The following MPPED1 variants were observed in gnomAD, a reference collection of about 807,000 sequenced individuals.
MPPED1 encodes metallophosphoesterase domain containing 1, also known as metallophosphoesterase domain-containing protein 1.
A neutral mutation model predicts 36.2 loss-of-function variants in MPPED1; 16 were observed. The observed-to-expected ratio is 0.44, with a 90% CI of 0.30 to 0.67. The LOEUF (loss-of-function observed/expected upper bound fraction) is 0.67, where lower values mean the gene tolerates loss of function less well. Ranked by LOEUF, MPPED1 falls within the 30% of genes least tolerant of loss-of-function variation. The pLI is 0.10. For synonymous variants in MPPED1, 199 were observed against 191.3 expected (o/e 1.04, Z -0.33); for missense variants, 307 against 453.4 (o/e 0.68, Z 2.93).
chr22:43,470,270 T>C (rs978700834), intron 3 of MPPED1, among the ~76,000 whole-genome samples: 3 of 149,254 alleles, frequency 2.0e-5, no homozygotes, highest in African/African-American at 7.6e-5. Flanking sequence ...CATCCATCTA[T>C]TCATCTATCT....
At chr22:43,469,288 C>T (rs1931281530) in intron 3 of MPPED1, among the ~76,000 whole-genome samples, 1 of 152,192 alleles carries the variant, frequency 6.6e-6, no homozygotes, top group Admixed American at 6.5e-5. Context: ...TCAGTGCAGG[C>T]ATTAGGCAGA....
chr22:43,463,331 CTTTTTTT>C (rs3047468), intron 3 of MPPED1, among the ~76,000 whole-genome samples: 3 of 121,064 alleles, frequency 2.5e-5, no homozygotes, highest in African/African-American at 3.2e-5. Context: ...ATGATTTTTT[CTTTTTTT>C]TTTTTTTTTT....
At chr22:43,504,738 AGTG>A (rs1443899556) in intron 6 of MPPED1, among the ~76,000 whole-genome samples, 2 of 150,866 alleles carry the variant, frequency 1.3e-5, no homozygotes, top group Admixed American at 6.6e-5. Context: ...TAATAGGAGC[AGTG>A]GTGATGATGT....
intron 4 of MPPED1, among the ~76,000 whole-genome samples, chr22:43,475,573 TGTGGTG>T (rs1184288180): frequency 3.2e-5 from 3 of 93,946 alleles, no homozygotes; most frequent in Admixed American, 9.8e-5. Flanking sequence ...TGATGATGGT[TGTGGTG>T]GTGGTGGTGG....
chr22:43,499,642 T>C (rs1174362605), intron 5 of MPPED1, among the ~76,000 whole-genome samples: 1 of 106,546 alleles, frequency 9.4e-6, no homozygotes, highest in Non-Finnish European at 1.8e-5. Flanking sequence ...GTGGAGGTGG[T>C]GGTGGTGGTG....
intron 4 of MPPED1, among the ~76,000 whole-genome samples, chr22:43,495,905 GTGGTGGAGGTAGTGGTGGTGGAGGTGA>G (rs1602017387): frequency 7.2e-6 from 1 of 139,478 alleles, no homozygotes; most frequent in Admixed American, 7.1e-5. Flanking sequence ...GGAGATGGTG[GTGGTGGAGGTAGTGGTGGTGGAGGTGA>G]TGGTGGAGGT....
chr22:43,424,780 G>T, intron 1 of MPPED1, 128 bp from the exon 2 acceptor site: 19 of 1,161,948 alleles, frequency 1.6e-5, no homozygotes, highest in Admixed American at 1.0e-4. Flanking sequence ...ATGAGTTTTT[G>T]AGCTGTACGA....
At chr22:43,454,308 C>A (rs4501036) in intron 3 of MPPED1, among the ~76,000 whole-genome samples, 105,720 of 151,556 alleles carry the variant, frequency 0.7, 40,427 homozygotes, top group Non-Finnish European at 0.84. Context: ...TGTACCCAGC[C>A]TATTTTCTTC....
chr22:43,501,321 C>T (rs900723093), intron 5 of MPPED1, among the ~76,000 whole-genome samples: 2 of 152,210 alleles, frequency 1.3e-5, no homozygotes, highest in Admixed American at 6.5e-5. Flanking sequence ...CTTTCCATAT[C>T]TCCTTTTTTC....
intron 5 of MPPED1, among the ~76,000 whole-genome samples, chr22:43,501,016 A>T (rs1932717629): frequency 6.6e-6 from 1 of 152,014 alleles, no homozygotes; most frequent in Admixed American, 6.5e-5. Context: ...TCAGGAAGAA[A>T]ATCCTGATAC....
intron 3 of MPPED1, among the ~76,000 whole-genome samples, chr22:43,467,559 C>T (rs1294785410): frequency 2.6e-5 from 4 of 152,222 alleles, no homozygotes; most frequent in Non-Finnish European, 4.4e-5. Context: ...AGCTGACTCT[C>T]GCAGCTTGCT....
intron 3 of MPPED1, among the ~76,000 whole-genome samples, chr22:43,464,521 C>T (rs1372071628): frequency 4.6e-5 from 7 of 152,084 alleles, no homozygotes; most frequent in Admixed American, 3.3e-4. Context: ...CCCCTTGCCT[C>T]GATGTTCCCT....
chr22:43,472,284 T>A (rs950837672), intron 3 of MPPED1, among the ~76,000 whole-genome samples: 1 of 152,220 alleles, frequency 6.6e-6, no homozygotes, highest in Non-Finnish European at 1.5e-5. Context: ...TGTGGATGGG[T>A]CTGGCCTGCC....
chr22:43,429,939 T>A (rs1044443105), intron 2 of MPPED1, among the ~76,000 whole-genome samples: 1 of 152,114 alleles, frequency 6.6e-6, no homozygotes, highest in Non-Finnish European at 1.5e-5. Context: ...GGTGTGGGGA[T>A]GCAGGAGGGT....
At chr22:43,495,329 G>A (rs1187738446) in intron 4 of MPPED1, among the ~76,000 whole-genome samples, 6 of 148,498 alleles carry the variant, frequency 4.0e-5, no homozygotes, top group Admixed American at 4.0e-4. Flanking sequence ...GGTGATGGTG[G>A]TGGTAGTGAT....
intron 3 of MPPED1, among the ~76,000 whole-genome samples, chr22:43,451,497 G>C (rs182760457): frequency 6.6e-6 from 1 of 152,184 alleles, no homozygotes; most frequent in South Asian, 2.1e-4. Flanking sequence ...GAGTGTGCAC[G>C]ATGCAAATGA....
intron 3 of MPPED1, among the ~76,000 whole-genome samples, chr22:43,445,577 T>G (rs971780914): frequency 6.7e-6 from 1 of 149,836 alleles, no homozygotes; most frequent in Non-Finnish European, 1.5e-5. Flanking sequence ...TTTTTTTTTT[T>G]GCAGACAGGA....
intron 3 of MPPED1, among the ~76,000 whole-genome samples, chr22:43,445,636 C>CTG (rs947587798): frequency 4.9e-5 from 7 of 143,992 alleles, no homozygotes; most frequent in African/African-American, 1.8e-4. Flanking sequence ...TCATTGCTTA[C>CTG]TGCAGCCTTG....
At chr22:43,495,696 A>AAGT (rs1932289100) in intron 4 of MPPED1, among the ~76,000 whole-genome samples, 1 of 15,940 alleles carries the variant, frequency 6.3e-5, no homozygotes, top group Non-Finnish European at 9.6e-5. Flanking sequence ...GTGGTGGTGG[A>AAGT]GGTGGTGATG....
Sources: gnomAD v4.1 joint callset for allele counts (sites outside exome capture counted in the v4.1 genomes callset) on GRCh38, gnomAD v4.1.1 for gene constraint, MANE v1.5 for transcripts, NCBI Gene and HGNC (gene_info 2026-07-23, HGNC 2026-07-21) for gene names.